The following ZNF718 variants were observed in gnomAD, a reference collection of about 807,000 sequenced individuals.
The protein encoded by ZNF718 is zinc finger protein 718.
A neutral mutation model predicts 2.6 loss-of-function variants in ZNF718; 3 were observed. That is an observed-to-expected ratio of 1.16 (90% CI 0.53 to 3.01). ZNF718 has a LOEUF of 3.01. Among genes scored for constraint, ZNF718 ranks in the 30% most tolerant of loss-of-function variants. The pLI is 0.03. For missense variants in ZNF718, 468 were observed against 230.0 expected (o/e 2.03, Z -6.69); for synonymous variants, 135 against 77.9 (o/e 1.73, Z -3.86).
At chr4:125,171 C>G (rs1553807742) in intron 1 of ZNF718, 1 of 155,858 alleles carries the variant, frequency 6.4e-6, no homozygotes, top group Non-Finnish European at 1.4e-5. Context: ...CTGCCTGCGC[C>G]AACTTTGCCG....
chr4:133,187 A>AT (rs1166673188), intron 3 of ZNF718, among the ~76,000 whole-genome samples: 1 of 23,294 alleles, frequency 4.3e-5, no homozygotes, highest in African/African-American at 1.9e-4. Context: ...TAAAAAAAAA[A>AT]AAAAAAAAAT....
rs556822332 is a variant in ZNF718 at position 141,976 on chromosome 4, A to G, written c.226+10471A>G. Reference sequence around the variant, plus strand: ...GAGGCTGAGATTATTATGCTACAGTATATTTCCAGCAGGTAAAAAAGCTTT... The same window carrying G: ...GAGGCTGAGATTATTATGCTACAGTGTATTTCCAGCAGGTAAAAAAGCTTT... On this transcript the variant is annotated intron_variant, in intron 3 of 3. Transcript: ENST00000510175. 409 of 518,078 alleles carry G rather than the reference A, an allele frequency of 7.9e-4. 6 individuals carry two copies. Among genetic ancestry groups the G allele is most frequent in the South Asian group, 5.6e-3 (402 of 71,218 alleles). 32.1% of individuals were successfully genotyped at this position (518,078 alleles called of 1,614,324 possible).
At chr4:190,003 G>C (rs1166188008) in intron 3 of ZNF718, among the ~76,000 whole-genome samples, 1 of 152,068 alleles carries the variant, frequency 6.6e-6, no homozygotes, top group South Asian at 2.1e-4. Context: ...AATTTAGTTT[G>C]CTAACATTTC....
downstream of ZNF718, among the ~76,000 whole-genome samples, chr4:166,804 C>T (rs1433026645): frequency 1.3e-5 from 2 of 152,052 alleles, no homozygotes; most frequent in African/African-American, 2.4e-5. Context: ...TGTAGGTTGC[C>T]TGTTCACTCT....
intron 3 of ZNF718, among the ~76,000 whole-genome samples, chr4:194,762 C>T (rs1717759035): frequency 6.6e-6 from 1 of 152,170 alleles, no homozygotes. Context: ...TCTGACTGGG[C>T]CAAATTCTCC....
At chr4:185,447 T>TA (rs1553820371) in intron 3 of ZNF718, among the ~76,000 whole-genome samples, 9 of 152,180 alleles carry the variant, frequency 5.9e-5, no homozygotes, top group Non-Finnish European at 1.5e-5. Context: ...GAGTAAGTGA[T>TA]ATGTGGTGAT....
intron 3 of ZNF718, among the ~76,000 whole-genome samples, chr4:141,004 T>G (rs1248214399): frequency 6.6e-6 from 1 of 152,244 alleles, no homozygotes; most frequent in Non-Finnish European, 1.5e-5. Context: ...AGCTGGGAGC[T>G]ACTTAGGGTG....
chr4:151,995 AAC>A (rs1716344786), intron 3 of ZNF718, among the ~76,000 whole-genome samples: 1 of 148,682 alleles, frequency 6.7e-6, no homozygotes, highest in Non-Finnish European at 1.5e-5. Flanking sequence ...TCAGCAGACA[AAC>A]ACGTGAACAA....
chr4:144,641 A>G (rs1168088827), intron 3 of ZNF718, among the ~76,000 whole-genome samples: 1 of 152,214 alleles, frequency 6.6e-6, no homozygotes, highest in African/African-American at 2.4e-5. Flanking sequence ...ATTCATGAAC[A>G]TAAAATATCT....
intron 1 of ZNF718, 182 bp downstream of exon 1, chr4:124,855 C>A: frequency 1.4e-6 from 1 of 725,398 alleles, no homozygotes; most frequent in Non-Finnish European, 2.2e-6. Context: ...CAGCCTGCAG[C>A]CCTCCTTGTG....
chr4:173,804 C>T (rs1368423477), intron 3 of ZNF718, among the ~76,000 whole-genome samples: 1 of 152,128 alleles, frequency 6.6e-6, no homozygotes. Context: ...CAGAATTTGG[C>T]TGAGCGAGGG....
intron 3 of ZNF718, among the ~76,000 whole-genome samples, chr4:145,377 T>G (rs1219432066): frequency 6.6e-6 from 1 of 152,224 alleles, no homozygotes; most frequent in Non-Finnish European, 1.5e-5. Context: ...TTCTTTTTCT[T>G]TTGTATCTAC....
intron 3 of ZNF718, among the ~76,000 whole-genome samples, chr4:146,077 C>CAATATATATATA (rs1716044261): frequency 7.0e-6 from 1 of 143,030 alleles, no homozygotes; most frequent in Non-Finnish European, 1.5e-5. Context: ...ATATAGCCTT[C>CAATATATATATA]TATATATATA....
In ZNF718 at chr4:158,708, G is replaced by T. The variant is rs181961819; in HGVS notation, c.227-2204G>T. On this transcript the variant is annotated intron_variant, in intron 3 of 3. Transcript: ENST00000510175. The stretch of plus-strand genomic sequence containing the variant: ...CATATTAACAGTTTATGATTAAGGG[G>T]TTTTTTTGTTTGCTTTTATCTTTCA... 3.6e-3 allele frequency among the ~76,000 whole-genome samples: 552 copies of T among 151,646 alleles called. 6 individuals carry two copies. Among genetic ancestry groups the T allele is most frequent in the African/African-American group, 0.013 (518 of 41,272 alleles).
chr4:171,946 G>A (rs954099581), intron 3 of ZNF718, among the ~76,000 whole-genome samples: 1 of 152,216 alleles, frequency 6.6e-6, no homozygotes, highest in Non-Finnish European at 1.5e-5. Context: ...CACGCTGGGA[G>A]CTGTAGACTG....
At position 162,442 on chromosome 4, in the gene ZNF718, T is replaced by G. The variant is rs74393488; in HGVS notation, c.*320T>G. ...TAGCATTTATACTTGAGAAAAATTGTACAAATATAGAAAATGTAGAAAAGC... is the reference window on the plus strand; with the variant it reads ...TAGCATTTATACTTGAGAAAAATTGGACAAATATAGAAAATGTAGAAAAGC... On this transcript the variant is annotated 3_prime_UTR_variant, in exon 4 of 4. Coordinates refer to ENST00000510175, the MANE Select transcript of ZNF718 (RefSeq NM_001039127.6). The G allele has an allele frequency of 0.036, 7,323 of 205,536 alleles. 385 individuals carry two copies. Among genetic ancestry groups the G allele is most frequent in the African/African-American group, 0.13 (5,508 of 43,434 alleles). 12.7% of individuals were successfully genotyped at this position (205,536 alleles called of 1,614,324 possible).
At chr4:149,524 A>T (rs868965480) in intron 3 of ZNF718, among the ~76,000 whole-genome samples, 2 of 152,036 alleles carry the variant, frequency 1.3e-5, no homozygotes, top group South Asian at 4.1e-4. Flanking sequence ...TAATCTTCAT[A>T]TTTGGTAATT....
intron 3 of ZNF718, among the ~76,000 whole-genome samples, chr4:188,360 C>A (rs1002279159): frequency 2.6e-5 from 4 of 152,190 alleles, no homozygotes; most frequent in South Asian, 4.1e-4. Context: ...CCAAAGCCAA[C>A]GTCCAAGCAG....
intron 3 of ZNF718, among the ~76,000 whole-genome samples, chr4:172,832 G>T (rs999704756): frequency 1.3e-4 from 20 of 152,028 alleles, no homozygotes; most frequent in Non-Finnish European, 2.9e-4. Flanking sequence ...GAGACGGGTG[G>T]ATCACAAGGT....
Sources: gnomAD v4.1 joint callset for allele counts (sites outside exome capture counted in the v4.1 genomes callset) on GRCh38, gnomAD v4.1.1 for gene constraint, MANE v1.5 for transcripts, NCBI Gene and HGNC (gene_info 2026-07-23, HGNC 2026-07-21) for gene names.